The following SYNM variants were observed in gnomAD, a reference collection of about 807,000 sequenced individuals.
The protein encoded by SYNM is synemin, also known as desmuslin.
A neutral mutation model predicts 104.0 loss-of-function variants in SYNM; 95 were observed. That is an observed-to-expected ratio of 0.91 (90% confidence interval 0.77 to 1.08). The LOEUF (loss-of-function observed/expected upper bound fraction) is 1.08, where lower values mean the gene tolerates loss of function less well. SYNM is among the 50% of genes least tolerant of loss of function. SYNM has a pLI of 0.00. For synonymous variants in SYNM, 918 were observed against 869.0 expected (o/e 1.06, Z -0.99); for missense variants, 2,150 against 2,052.2 (o/e 1.05, Z -0.92).
chr15:99,132,083 T>C lies in SYNM; in HGVS notation c.3723T>C (p.Ser1241=), dbSNP rs782130019. ...EKEIIFQGPI[S]AAGKVGDYFA... Reference sequence around the variant, plus strand: ...AGATTATTTTTCAGGGCCCCATTTCTGCTGCAGGGAAGGTTGGTGATTATT... The same window carrying C: ...AGATTATTTTTCAGGGCCCCATTTCCGCTGCAGGGAAGGTTGGTGATTATT... The change falls in exon 4 of 4, where the codon TCT becomes TCC. Residue 1241 remains serine, a synonymous_variant. Coordinates refer to ENST00000336292, the MANE Select transcript of SYNM (RefSeq NM_145728.3). The C allele has an allele frequency of 6.2e-7, 1 of 1,613,980 alleles. No individual in the cohort carries two copies. The highest frequency in any genetic ancestry group is 1.7e-5 in the Admixed American group (1 of 60,032).
Position 99,131,967 on chromosome 15 carries a change from C to A in SYNM, c.3607C>A (p.Pro1203Thr). Residue 1203 changes from proline to threonine, a missense_variant, in exon 4 of 4, where the codon CCA becomes ACA. Coordinates refer to ENST00000336292, the MANE Select transcript of SYNM (RefSeq NM_145728.3). The surrounding 1 kb of genome is among the most constrained non-coding windows in gnomAD (Gnocchi z 4.3). Reference protein sequence around the residue: ...APACPEAWGSPEPGPAESSAD... With the variant: ...APACPEAWGSTEPGPAESSAD... ...TGCCTGTCCAGAGGCATGGGGCTCGCCAGAACCTGGCCCAGCAGAGTCTTC... is the reference window on the plus strand; with the variant it reads ...TGCCTGTCCAGAGGCATGGGGCTCGACAGAACCTGGCCCAGCAGAGTCTTC... 6.2e-7 allele frequency: 1 copy of A among 1,613,968 alleles called. No individual in the cohort carries two copies. The highest frequency in any genetic ancestry group is 8.5e-7 in the Non-Finnish European group (1 of 1,179,904).
Position 99,130,986 on chromosome 15 carries a change from A to G in SYNM, c.2626A>G (p.Arg876Gly). The G allele has an allele frequency of 6.2e-7, 1 of 1,613,776 alleles. No homozygotes were observed. The highest frequency in any genetic ancestry group is 8.5e-7 in the Non-Finnish European group (1 of 1,179,786). The change falls in exon 4 of 4, where the codon AGG (arginine) becomes GGG (glycine). Residue 876 changes from arginine to glycine, a missense_variant. Transcript: ENST00000336292. ...QDEIVQGTRRRTQKDGAVGEK... is the reference protein window; with the variant it reads ...QDEIVQGTRRGTQKDGAVGEK... ...TGAAATCGTGCAGGGGACTCGAAGG[A>G]GGACACAGAAGGACGGTGCAGTGGG...
intron 2 of SYNM, among the ~76,000 whole-genome samples, chr15:99,125,521 G>T (rs1451171623): frequency 1.3e-5 from 2 of 152,230 alleles, no homozygotes; most frequent in Non-Finnish European, 2.9e-5. Context: ...GTGCGCCTTC[G>T]CGAGAGTGCC....
Position 99,131,189 on chromosome 15 carries a change from G to A in SYNM, c.2829G>A (p.Lys943=), listed in dbSNP as rs1555485780. Residue 943 remains lysine, a synonymous_variant, in exon 4 of 4, where the codon AAG becomes AAA. Coordinates refer to ENST00000336292, the MANE Select transcript of SYNM (RefSeq NM_145728.3). This position sits in a 1 kb window ranked among gnomAD's most constrained non-coding sequence, Gnocchi z 4.3. The part of the protein sequence containing the change: ...FHTSMKGISS[K]EPRQQLVEVI... Reference sequence around the variant, plus strand: ...CCTCCATGAAGGGCATCTCCTCCAAGGAGCCCCGGCAGCAGCTGGTGGAGG... The same window carrying A: ...CCTCCATGAAGGGCATCTCCTCCAAAGAGCCCCGGCAGCAGCTGGTGGAGG... 6.2e-7 allele frequency: 1 copy of A among 1,608,164 alleles called. No homozygotes were observed. The highest frequency in any genetic ancestry group is 1.1e-5 in the South Asian group (1 of 89,802).
chr15:99,131,094 A>T lies in SYNM; in HGVS notation c.2734A>T (p.Arg912Ter). ...LGSTHWKEQA[R>*]SGEFHAEPTV... is the part of the protein sequence containing the mutation. ...TTCCACTCACTGGAAAGAACAAGCT[A>T]GAAGCGGTGAATTTCATGCCGAACC... Residue 912 changes from arginine to a stop codon, truncating the protein, a stop_gained, in exon 4 of 4, where the codon AGA becomes TGA. Transcript: ENST00000336292. LOFTEE classifies it high-confidence loss of function. The surrounding 1 kb of genome is among the most constrained non-coding windows in gnomAD (Gnocchi z 4.3). 6.2e-7 allele frequency: 1 copy of T among 1,603,758 alleles called. No individual in the cohort carries two copies. Among genetic ancestry groups the T allele is most frequent in the East Asian group, 2.2e-5 (1 of 44,486 alleles).
Position 99,131,786 on chromosome 15 carries a change from T to C in SYNM, c.3426T>C (p.Tyr1142=). 4 of 1,613,960 alleles carry C rather than the reference T, an allele frequency of 2.5e-6. No homozygotes were observed. Among genetic ancestry groups the C allele is most frequent in the Non-Finnish European group, 2.5e-6 (3 of 1,179,902 alleles). ...TCTGGAGGACTGAGCGAATGTCATA[T>C]GAAGGACCCACTGCAGAAGTGGTGG... ...SEVWRTERMS[Y]EGPTAEVVEV... is the part of the protein sequence containing the mutation. The change falls in exon 4 of 4, where the codon TAT becomes TAC. Residue 1142 remains tyrosine, a synonymous_variant. Transcript: ENST00000336292. This position sits in a 1 kb window ranked among gnomAD's most constrained non-coding sequence, Gnocchi z 4.3.
downstream of SYNM, chr15:99,139,782 T>G: frequency 7.8e-7 from 1 of 1,277,562 alleles, no homozygotes; most frequent in Non-Finnish European, 1.0e-6. Flanking sequence ...GTTTTTTTTG[T>G]AAACACATAC....
downstream of SYNM, chr15:99,136,575 A>G (rs2067608141): frequency 6.6e-6 from 1 of 152,120 alleles, no homozygotes; most frequent in South Asian, 2.1e-4. Context: ...GTCTCTCCTT[A>G]TAAAGCACTA....
chr15:99,130,802 C>T lies in SYNM; in HGVS notation c.2442C>T (p.His814=), dbSNP rs569526221. 1.5e-5 allele frequency: 25 copies of T among 1,613,814 alleles called. No individual in the cohort carries two copies. The highest frequency in any genetic ancestry group is 6.7e-5 in the Admixed American group (4 of 60,000). ...AGCAGCCTCAGGAGAACACGACTCA[C>T]GTGGAAGAAGTGACAGAGGCAGGTG... The part of the protein sequence containing the change: ...RTKQPQENTT[H]VEEVTEAGDS... The change falls in exon 4 of 4, where the codon CAC becomes CAT. Residue 814 remains histidine, a synonymous_variant. Transcript: ENST00000336292.
At position 99,129,685 on chromosome 15, in the gene SYNM, T is replaced by G. The variant is rs782766372; in HGVS notation, c.1325T>G (p.Val442Gly). 4 of 1,613,642 alleles carry G rather than the reference T, an allele frequency of 2.5e-6. No homozygotes were observed. The African/African-American group carries it at 5.3e-5, about 22-fold the overall frequency. ...CTTTTAAGAAATACTGAGGCTCAAG[T>G]GAAAACATTCCCTGACAGACCAAAA... Reference protein sequence around the residue: ...YGLLRNTEAQVKTFPDRPKAG... With the variant: ...YGLLRNTEAQGKTFPDRPKAG... Residue 442 changes from valine (V) to glycine (G), a missense_variant, in exon 4 of 4, where the codon GTG becomes GGG. Coordinates refer to ENST00000336292, the MANE Select transcript of SYNM (RefSeq NM_145728.3).
chr15:99,132,290 C>T lies in SYNM; in HGVS notation c.3930C>T (p.His1310=). The T allele has an allele frequency of 6.2e-7, 1 of 1,609,524 alleles. No homozygotes were observed. Among genetic ancestry groups the T allele is most frequent in the Non-Finnish European group, 8.5e-7 (1 of 1,176,600 alleles). Residue 1310 remains histidine (H), a synonymous_variant, in exon 4 of 4, where the codon CAC becomes CAT. Transcript: ENST00000336292. ...CAGGGAGCAGCACATCCATCAGGCA[C>T]ATCAGCATTGGGCCTCAGAGGCATC... ...GLPGSSTSIR[H]ISIGPQRHQT...
At chr15:99,129,114 A>G in intron 3 of SYNM, 1 of 502,846 alleles carries the variant, frequency 2.0e-6, no homozygotes, top group Admixed American at 3.6e-5. Flanking sequence ...ATGAGTGAGT[A>G]TTTTAATATC....
In SYNM at chr15:99,105,295, G is replaced by A. The variant is rs548692902; in HGVS notation, c.96G>A (p.Leu32=). The A allele has an allele frequency of 1.0e-5, 16 of 1,551,026 alleles. No homozygotes were observed. The African/African-American group carries it at 1.1e-4, about 11-fold the overall frequency. ...ACTACGTGTGTCGGGTGCGGGAGCT[G>A]GAGCGCGAAAACCTACTCCTGGAGG... ...LYDYVCRVRE[L]ERENLLLEEE... is the part of the protein sequence containing the mutation. Residue 32 remains leucine, a synonymous_variant, in exon 1 of 4, where the codon CTG becomes CTA. Transcript: ENST00000336292.
chr15:99,129,322 A>G, intron 3 of SYNM, 45 bp from the exon 4 acceptor site: 2 of 1,595,178 alleles, frequency 1.3e-6, no homozygotes, highest in Non-Finnish European at 1.7e-6. Context: ...GGAAAAGGGT[A>G]ATGATGACTG....
Position 99,130,805 on chromosome 15 carries a change from G to A in SYNM, c.2445G>A (p.Val815=). The change falls in exon 4 of 4, where the codon GTG becomes GTA. Residue 815 remains valine, a synonymous_variant. Coordinates refer to ENST00000336292, the MANE Select transcript of SYNM (RefSeq NM_145728.3). ...AGCCTCAGGAGAACACGACTCACGT[G>A]GAAGAAGTGACAGAGGCAGGTGATT... is the stretch of plus-strand genomic sequence containing the variant. ...TKQPQENTTH[V]EEVTEAGDSE... The A allele has an allele frequency of 6.2e-7, 1 of 1,613,994 alleles. No homozygotes were observed. Among genetic ancestry groups the A allele is most frequent in the South Asian group, 1.1e-5 (1 of 91,082 alleles).
chr15:99,137,857 CT>C, downstream of SYNM: 1 of 1,251,892 alleles, frequency 8.0e-7, no homozygotes, highest in South Asian at 1.5e-5. Context: ...CCACGGGAGG[CT>C]TATGGTCTCA....
chr15:99,130,879 G>C lies in SYNM; in HGVS notation c.2519G>C (p.Gly840Ala). ...GTGTCCACTCCAGATGAACACCCCGGGGGGCACGACAGAGATGACGGCTCG... is the reference window on the plus strand; with the variant it reads ...GTGTCCACTCCAGATGAACACCCCGCGGGGCACGACAGAGATGACGGCTCG... ...YFVSTPDEHP[G>A]GHDRDDGSVY... Residue 840 changes from glycine to alanine, a missense_variant, in exon 4 of 4, where the codon GGG becomes GCG. By Grantham distance (60) the Gly-to-Ala change is moderately conservative. Transcript: ENST00000336292. 6.2e-7 allele frequency: 1 copy of C among 1,613,966 alleles called. No individual in the cohort carries two copies. Among genetic ancestry groups the C allele is most frequent in the Non-Finnish European group, 8.5e-7 (1 of 1,179,892 alleles).
In SYNM at chr15:99,131,454, G is replaced by GAGTC. The variant is rs782802629; in HGVS notation, c.3095_3098dup (p.Val1035GlyfsTer19). On this transcript the variant is annotated frameshift_variant, in exon 4 of 4. Coordinates refer to ENST00000336292, the MANE Select transcript of SYNM (RefSeq NM_145728.3). LOFTEE classifies it high-confidence loss of function. This position sits in a 1 kb window ranked among gnomAD's most constrained non-coding sequence, Gnocchi z 4.3. ...GGCCAGTGAGATGGAGAAGGCTGTG[G>GAGTC]AGTCGGTGGTTCGGGAGAGCCTGAG... is the stretch of plus-strand genomic sequence containing the variant. 6.2e-7 allele frequency: 1 copy of GAGTC among 1,607,944 alleles called. No individual in the cohort carries two copies. The highest frequency in any genetic ancestry group is 1.7e-4 in the Middle Eastern group (1 of 6,060).
rs781826570 is a variant in SYNM at position 99,130,077 on chromosome 15, C to CGA, written c.1727_1728dup (p.Val577ArgfsTer6). The CGA allele has an allele frequency of 1.2e-6, 2 of 1,613,530 alleles. No homozygotes were observed. Among genetic ancestry groups the CGA allele is most frequent in the Middle Eastern group, 1.6e-4 (1 of 6,062 alleles). On this transcript the variant is annotated frameshift_variant, in exon 4 of 4. Transcript: ENST00000336292. LOFTEE classifies it high-confidence loss of function. ...GGACTCACCGAAGGAGAAGAGCGTG[C>CGA]GAGAGAGAGAGGTGCCGATTAGTCT...
Sources: gnomAD v4.1 joint callset for allele counts (sites outside exome capture counted in the v4.1 genomes callset) on GRCh38, gnomAD v4.1.1 for gene constraint, Gnocchi (gnomAD v3.1) non-coding constraint, MANE v1.5 for transcripts, NCBI Gene and HGNC (gene_info 2026-07-23, HGNC 2026-07-21) for gene names.